The following PDE1A variants were observed in gnomAD, a reference collection of about 807,000 sequenced individuals.
The protein encoded by PDE1A is phosphodiesterase 1A, also known as dual specificity calcium/calmodulin-dependent 3',5'-cyclic nucleotide phosphodiesterase 1A.
In PDE1A, 35 loss-of-function variants were observed where a neutral mutation model predicts 61.7. That is an observed-to-expected ratio of 0.57 (90% confidence interval 0.43 to 0.75). The LOEUF is 0.75. Among genes scored for constraint, PDE1A ranks in the 30% least tolerant of loss-of-function variants. The pLI, the probability that PDE1A is intolerant of heterozygous loss-of-function variation, is 0.00. For synonymous variants in PDE1A, 232 were observed against 213.2 expected (o/e 1.09, Z -0.77); for missense variants, 597 against 630.6 (o/e 0.95, Z 0.57).
chr2:182,582,163 G>A, the PDE1A span, among the ~76,000 whole-genome samples: 1 of 152,148 alleles, frequency 6.6e-6, no homozygotes, highest in African/African-American at 2.4e-5. Flanking sequence ...TAAATGCAAA[G>A]GTGGCAAGGA....
At chr2:182,709,984 A>ATT in the PDE1A span, among the ~76,000 whole-genome samples, 4 of 151,780 alleles carry the variant, frequency 2.6e-5, no homozygotes, top group African/African-American at 9.7e-5. Context: ...ACAACCTCCG[A>ATT]CTCCCTGGTT....
chr2:182,480,145 G>A (rs1421537710), intron 2 of PDE1A, among the ~76,000 whole-genome samples: 1 of 151,896 alleles, frequency 6.6e-6, no homozygotes, highest in Non-Finnish European at 1.5e-5. Context: ...CTAAAGCAAA[G>A]AAGAGTTTCT....
intron 2 of PDE1A, among the ~76,000 whole-genome samples, chr2:182,437,920 G>C (rs1684543050): frequency 6.6e-6 from 1 of 151,838 alleles, no homozygotes; most frequent in Non-Finnish European, 1.5e-5. Context: ...TCTCTTGGTT[G>C]TTCTGCAAAT....
At chr2:182,671,184 C>T in the PDE1A span, among the ~76,000 whole-genome samples, 1 of 150,066 alleles carries the variant, frequency 6.7e-6, no homozygotes, top group Non-Finnish European at 1.5e-5. Context: ...ACTTTTTTTT[C>T]TTTTGAGACG....
At chr2:182,248,291 T>G (rs1691136841) in intron 2 of PDE1A, among the ~76,000 whole-genome samples, 1 of 150,512 alleles carries the variant, frequency 6.6e-6, no homozygotes. Flanking sequence ...TCTTAAAACG[T>G]GCTATACAGA....
the PDE1A span, among the ~76,000 whole-genome samples, chr2:182,638,175 AG>A: frequency 6.6e-6 from 1 of 152,216 alleles, no homozygotes. Context: ...TAGAGGAAAA[AG>A]GATGAGGGAT....
the PDE1A span, among the ~76,000 whole-genome samples, chr2:182,631,255 G>A: frequency 6.6e-6 from 1 of 151,446 alleles, no homozygotes; most frequent in Non-Finnish European, 1.5e-5. Context: ...TCAGGCAAAG[G>A]AAGGGTGACT....
intron 1 of PDE1A, among the ~76,000 whole-genome samples, chr2:182,329,459 G>A (rs562681852): frequency 1.2e-4 from 18 of 152,072 alleles, no homozygotes; most frequent in Non-Finnish European, 2.1e-4. Flanking sequence ...GGGCAATCTC[G>A]ACTCACTGTA....
chr2:182,328,754 A>G (rs1436548571), intron 1 of PDE1A, among the ~76,000 whole-genome samples: 1 of 152,192 alleles, frequency 6.6e-6, no homozygotes, highest in Non-Finnish European at 1.5e-5. Context: ...CCATGGGGGA[A>G]CCACCATGAA....
upstream of PDE1A, among the ~76,000 whole-genome samples, chr2:182,523,701 C>A (rs1450647103): frequency 6.6e-6 from 1 of 152,124 alleles, no homozygotes; most frequent in Admixed American, 6.5e-5. Flanking sequence ...TTACATATTA[C>A]CTTTTTAAAT....
chr2:182,540,842 T>C, the PDE1A span, among the ~76,000 whole-genome samples: 1 of 152,170 alleles, frequency 6.6e-6, no homozygotes, highest in African/African-American at 2.4e-5. Context: ...GACTATGTAC[T>C]TGTATTACCG....
chr2:182,560,094 G>A, the PDE1A span, among the ~76,000 whole-genome samples: 1 of 150,978 alleles, frequency 6.6e-6, no homozygotes, highest in Admixed American at 6.6e-5. Flanking sequence ...TTAAGTTTTA[G>A]GGTACATGTG....
At chr2:182,527,805 C>T (rs1334240474), upstream of PDE1A, among the ~76,000 whole-genome samples, 2 of 151,932 alleles carry the variant, frequency 1.3e-5, no homozygotes, top group Admixed American at 1.3e-4. Context: ...GTTTCCCTTA[C>T]ACTGTTTTTG....
At chr2:182,572,825 C>G in the PDE1A span, among the ~76,000 whole-genome samples, 1 of 146,476 alleles carries the variant, frequency 6.8e-6, no homozygotes, top group African/African-American at 2.6e-5. Context: ...GCCAAGATTG[C>G]GCCACTGCAC....
intron 1 of PDE1A, among the ~76,000 whole-genome samples, chr2:182,381,155 T>C (rs1231180672): frequency 6.6e-6 from 1 of 152,166 alleles, no homozygotes; most frequent in Non-Finnish European, 1.5e-5. Flanking sequence ...AGGTTTTCTC[T>C]TTCTTCATGA....
At chr2:182,334,722 A>T (rs1351652452) in intron 1 of PDE1A, among the ~76,000 whole-genome samples, 1 of 152,172 alleles carries the variant, frequency 6.6e-6, no homozygotes, top group Non-Finnish European at 1.5e-5. Context: ...GCACAAAAAA[A>T]GGATGTCCTC....
chr2:182,677,024 A>T, the PDE1A span, among the ~76,000 whole-genome samples: 1 of 152,154 alleles, frequency 6.6e-6, no homozygotes, highest in East Asian at 1.9e-4. Flanking sequence ...ATGCTCTCTC[A>T]CCACTCCTAT....
the PDE1A span, among the ~76,000 whole-genome samples, chr2:182,609,285 A>G: frequency 7.9e-5 from 12 of 152,198 alleles, no homozygotes; most frequent in Admixed American, 6.5e-5. Context: ...AAAACAGACC[A>G]ATCGGCTCTC....
intron 6 of PDE1A, among the ~76,000 whole-genome samples, 175 bp from the exon 7 acceptor site, chr2:182,224,139 A>C (rs1688952789): frequency 2.0e-5 from 3 of 151,918 alleles, no homozygotes; most frequent in African/African-American, 7.2e-5. Context: ...TGCTTCATGA[A>C]GTCAATGATT....
Sources: allele counts gnomAD v4.1 joint callset (sites outside exome capture counted in the v4.1 genomes callset), GRCh38; gene constraint gnomAD v4.1.1; transcripts MANE v1.5; gene names NCBI Gene and HGNC (gene_info 2026-07-23, HGNC 2026-07-21).